Variants in ANKRD27 observed in about 807,000 individuals in gnomAD.
ANKRD27 encodes the protein ankyrin repeat domain 27, also known as ankyrin repeat domain-containing protein 27.
In ANKRD27, 112 loss-of-function variants were observed where a neutral mutation model predicts 129.7. The observed-to-expected ratio is 0.86, with a 90% CI of 0.74 to 1.01. ANKRD27 has a LOEUF of 1.01. Ranked by LOEUF, ANKRD27 falls within the 50% of genes least tolerant of loss-of-function variation. The pLI is 0.00. For missense variants in ANKRD27, 1,258 were observed against 1,300.5 expected, an observed-to-expected ratio of 0.97 and a Z score of 0.50; for synonymous variants, 516 against 511.2, an observed-to-expected ratio of 1.01 and a Z score of -0.13.
chr19:32,606,501 C>A (rs1273238168), intron 23 of ANKRD27, among the ~76,000 whole-genome samples: 1 of 85,912 alleles, frequency 1.2e-5, no homozygotes, highest in Non-Finnish European at 3.0e-5. Flanking sequence ...AGAAAAGGGA[C>A]CAGGTGAAGA....
At chr19:32,671,690 T>A (rs1388093003) in intron 1 of ANKRD27, among the ~76,000 whole-genome samples, 1 of 152,162 alleles carries the variant, frequency 6.6e-6, no homozygotes, top group Non-Finnish European at 1.5e-5. Context: ...GTGAGACCTA[T>A]CTCAAAAACA....
At position 32,612,791 on chromosome 19, in the gene ANKRD27, T is replaced by G. The variant is rs1448276373; in HGVS notation, c.2175+2867A>C. On this transcript the variant is annotated intron_variant, in intron 22 of 28. Coordinates refer to ENST00000306065, the MANE Select transcript of ANKRD27 (RefSeq NM_032139.3). ...CTCAACCTAAATCTCACACTTTGAG[T>G]AAAAATTAACACAAATTGGATCATG... Among the ~76,000 whole-genome samples, 7 of 151,990 alleles carry G rather than the reference T, an allele frequency of 4.6e-5. No individual in the cohort carries two copies. In the East Asian group the frequency reaches 1.4e-3, roughly 29 times the overall value.
intron 2 of ANKRD27, among the ~76,000 whole-genome samples, chr19:32,657,622 C>CAA (rs764894654): frequency 5.5e-5 from 7 of 128,076 alleles, no homozygotes; most frequent in South Asian, 2.5e-4. Flanking sequence ...GACTCTGTCT[C>CAA]AAAAAAAAAA....
chr19:32,599,831 T>C, intron 27 of ANKRD27, 55 bp from the exon 28 acceptor site: 1 of 1,590,246 alleles, frequency 6.3e-7, no homozygotes, highest in African/African-American at 1.3e-5. Context: ...TGAAACACTC[T>C]GGTTGGCCAC....
chr19:32,652,588 T>C (rs1402069442), intron 2 of ANKRD27, among the ~76,000 whole-genome samples: 1 of 149,062 alleles, frequency 6.7e-6, no homozygotes, highest in South Asian at 2.1e-4. Context: ...GGGTAGGGTG[T>C]GGGGTTGGGG....
chr19:32,643,240 G>A, intron 8 of ANKRD27, 41 bp from the exon 9 acceptor site: 6 of 1,613,976 alleles, frequency 3.7e-6, no homozygotes, highest in Non-Finnish European at 5.1e-6. Context: ...TTCTCAAAAA[G>A]CACAGAAGAA....
At chr19:32,614,730 A>T (rs1330065600) in intron 22 of ANKRD27, among the ~76,000 whole-genome samples, 1 of 152,290 alleles carries the variant, frequency 6.6e-6, no homozygotes, top group Non-Finnish European at 1.5e-5. Context: ...AGTATATAAA[A>T]GTATCTGTCA....
intron 9 of ANKRD27, 26 bp downstream of exon 9, chr19:32,643,097 C>T (rs1420389739): frequency 6.2e-7 from 1 of 1,612,324 alleles, no homozygotes; most frequent in South Asian, 1.1e-5. Flanking sequence ...CTGAGGACAC[C>T]AAGCCGCTGT....
chr19:32,649,272 T>A (rs411328), intron 3 of ANKRD27, among the ~76,000 whole-genome samples: 1 of 151,904 alleles, frequency 6.6e-6, no homozygotes, highest in South Asian at 2.1e-4. Context: ...CATGTCCAGC[T>A]GAAACAAAAA....
chr19:32,670,884 G>A (rs1967856612), intron 1 of ANKRD27, among the ~76,000 whole-genome samples: 1 of 152,058 alleles, frequency 6.6e-6, no homozygotes, highest in Non-Finnish European at 1.5e-5. Flanking sequence ...CACTAGGGAG[G>A]CTGAGGCAGA....
intron 1 of ANKRD27, among the ~76,000 whole-genome samples, chr19:32,660,219 A>G (rs1319529201): frequency 1.3e-5 from 2 of 152,254 alleles, no homozygotes; most frequent in East Asian, 3.8e-4. Context: ...ATTAGGTTAC[A>G]AAGGCAGAGC....
intron 5 of ANKRD27, among the ~76,000 whole-genome samples, chr19:32,644,059 A>G (rs259226): frequency 0.77 from 117,573 of 151,866 alleles, 46,105 homozygotes; most frequent in African/African-American, 0.9. Context: ...ATTTTCTGTA[A>G]TGATGGGGTC....
intron 23 of ANKRD27, 36 bp downstream of exon 23, chr19:32,607,599 C>G: frequency 6.3e-7 from 1 of 1,598,542 alleles, no homozygotes; most frequent in Non-Finnish European, 8.5e-7. Flanking sequence ...CCAAAGCAGA[C>G]ACCCTGCTCC....
At chr19:32,663,170 A>G (rs79450981) in intron 1 of ANKRD27, among the ~76,000 whole-genome samples, 3,416 of 152,294 alleles carry the variant, frequency 0.022, 146 homozygotes, top group African/African-American at 0.078. Flanking sequence ...CCAAGATCCC[A>G]ATGCTATGAA....
intron 16 of ANKRD27, 119 bp from the exon 17 acceptor site, chr19:32,626,085 T>A (rs1289219611): frequency 1.4e-5 from 10 of 704,258 alleles, no homozygotes; most frequent in Middle Eastern, 4.1e-4. Context: ...ATGCTACTAT[T>A]CAAATTAAAC....
intron 13 of ANKRD27, among the ~76,000 whole-genome samples, chr19:32,629,623 C>A (rs1238608753): frequency 6.6e-6 from 1 of 152,060 alleles, no homozygotes; most frequent in African/African-American, 2.4e-5. Flanking sequence ...TCACTTGAAC[C>A]CGGGAGATGG....
chr19:32,640,422 G>A (rs1330484666), intron 10 of ANKRD27, 37 bp from the exon 11 acceptor site: 1 of 1,570,696 alleles, frequency 6.4e-7, no homozygotes, highest in South Asian at 1.1e-5. Context: ...GCCATCATGA[G>A]ATTCAAATGG....
At chr19:32,659,317 G>A (rs1967604369) in intron 1 of ANKRD27, among the ~76,000 whole-genome samples, 1 of 152,036 alleles carries the variant, frequency 6.6e-6, no homozygotes, top group Non-Finnish European at 1.5e-5. Flanking sequence ...CTGACCAGCA[G>A]GTGATCTGCC....
rs758262871 is a variant in ANKRD27 at position 32,639,506 on chromosome 19, A to G, written c.984-18T>C. On this transcript the variant is annotated intron_variant, in intron 11 of 28. Coordinates refer to ENST00000306065, the MANE Select transcript of ANKRD27 (RefSeq NM_032139.3). ...TTGCCATCCTAATGAAAGGAAGAAA[A>G]AAGTTATGTTGTTGTCTATCCAAGT... is the stretch of plus-strand genomic sequence containing the variant. The G allele has an allele frequency of 4.6e-5, 74 of 1,610,396 alleles. 1 individual carries two copies. In the Middle Eastern group the frequency reaches 1.3e-3, roughly 29 times the overall value.
Sources: gnomAD v4.1 joint callset for allele counts (sites outside exome capture counted in the v4.1 genomes callset) on GRCh38, gnomAD v4.1.1 for gene constraint, MANE v1.5 for transcripts, NCBI Gene and HGNC (gene_info 2026-07-23, HGNC 2026-07-21) for gene names.